The following WASF1 variants were observed in gnomAD, a reference collection of about 807,000 sequenced individuals.
WASF1 encodes the protein actin-binding protein WASF1.
WASF1 carries 7 observed loss-of-function variants against 50.5 expected under a neutral mutation model. The observed-to-expected ratio is 0.14, with a 90% CI of 0.08 to 0.26. WASF1 has a LOEUF of 0.26. WASF1 is among the 10% of genes least tolerant of loss of function. WASF1 has a pLI of 1.00. For missense variants in WASF1, 470 were observed against 694.7 expected (o/e 0.68, Z 3.64); for synonymous variants, 205 against 244.0 (o/e 0.84, Z 1.49).
intron 4 of WASF1, among the ~76,000 whole-genome samples, chr6:110,119,602 AC>A (rs1773990675): frequency 6.6e-6 from 1 of 152,250 alleles, no homozygotes; most frequent in Admixed American, 6.5e-5. Context: ...GCCAAAGTCT[AC>A]CAGAGGTAAA....
At chr6:110,163,102 T>A (rs891032563) in intron 2 of WASF1, among the ~76,000 whole-genome samples, 7 of 151,500 alleles carry the variant, frequency 4.6e-5, no homozygotes, top group African/African-American at 1.7e-4. Context: ...ATACGTCATA[T>A]CTGAAATTAA....
At chr6:110,101,022 TTTTC>T (rs1280365104) in intron 10 of WASF1, among the ~76,000 whole-genome samples, 1 of 152,216 alleles carries the variant, frequency 6.6e-6, no homozygotes, top group Non-Finnish European at 1.5e-5. Flanking sequence ...GTTGAATATA[TTTTC>T]TGTGGCTTCA....
At chr6:110,103,655 G>T in intron 8 of WASF1, 98 bp from the exon 9 acceptor site, 1 of 1,089,586 alleles carries the variant, frequency 9.2e-7, no homozygotes. Flanking sequence ...TCCTTTCAAT[G>T]CCAATATTTT....
chr6:110,114,909 T>G (rs1034536205), intron 4 of WASF1, among the ~76,000 whole-genome samples: 1 of 151,344 alleles, frequency 6.6e-6, no homozygotes, highest in Non-Finnish European at 1.5e-5. Flanking sequence ...CTGAACAACA[T>G]GGTGAAACCC....
chr6:110,116,178 G>T lies in WASF1; in HGVS notation c.134-2718C>A, dbSNP rs1583938997. On this transcript the variant is annotated intron_variant, in intron 4 of 10. Coordinates refer to ENST00000392589, the MANE Select transcript of WASF1 (RefSeq NM_003931.3). ...TACCTGGTTCATCTCATTAGGACTGGTTGGACAGTGGGTGCAGCCCACAGA... is the reference window on the plus strand; with the variant it reads ...TACCTGGTTCATCTCATTAGGACTGTTTGGACAGTGGGTGCAGCCCACAGA... 1.3e-5 allele frequency among the ~76,000 whole-genome samples: 2 copies of T among 152,332 alleles called. 1 individual carries two copies. Among genetic ancestry groups the T allele is most frequent in the East Asian group, 3.9e-4 (2 of 5,176 alleles).
At chr6:110,155,536 C>CTTTTTTTTTT (rs66645132) in intron 3 of WASF1, among the ~76,000 whole-genome samples, 32 of 45,980 alleles carry the variant, frequency 7.0e-4, no homozygotes, top group Admixed American at 1.1e-3. Context: ...AAAGTGCCTT[C>CTTTTTTTTTT]TTTTTTTTTT....
rs1242065081 is a variant in WASF1, at chr6:110,179,526, G to A, written c.-359C>T. The A allele has an allele frequency of 2.0e-5, 3 of 151,988 alleles. No homozygotes were observed. Among genetic ancestry groups the A allele is most frequent in the African/African-American group, 7.2e-5 (3 of 41,386 alleles). The allele number at this position is 151,988 out of a possible 1,614,324, so 9.4% of individuals were successfully genotyped here. On this transcript the variant is annotated 5_prime_UTR_variant, in exon 1 of 11. Coordinates refer to ENST00000392589, the MANE Select transcript of WASF1 (RefSeq NM_003931.3). ...CCCTCGGCTCGCGGGACTCCGCCTA[G>A]AGCCCCCAGGAGGGTCGGGCTCTGG... is the stretch of plus-strand genomic sequence containing the variant.
intron 2 of WASF1, among the ~76,000 whole-genome samples, chr6:110,171,495 T>C (rs958199174): frequency 6.6e-6 from 1 of 152,188 alleles, no homozygotes; most frequent in Admixed American, 6.5e-5. Flanking sequence ...AACGGGGTTG[T>C]ATCCCAATAA....
intron 4 of WASF1, among the ~76,000 whole-genome samples, chr6:110,120,812 C>T (rs925608806): frequency 2.4e-4 from 37 of 152,312 alleles, no homozygotes; most frequent in African/African-American, 8.7e-4. Context: ...GTAACCAAAA[C>T]AGCATGGTAC....
intron 3 of WASF1, among the ~76,000 whole-genome samples, chr6:110,149,047 C>T (rs1374824591): frequency 6.6e-6 from 1 of 152,142 alleles, no homozygotes; most frequent in Non-Finnish European, 1.5e-5. Flanking sequence ...TAGGAAAAGA[C>T]TTATGACTAA....
intron 3 of WASF1, among the ~76,000 whole-genome samples, chr6:110,139,898 A>G (rs541840344): frequency 4.7e-4 from 71 of 152,368 alleles, no homozygotes; most frequent in African/African-American, 1.6e-3. Flanking sequence ...TACTATAACA[A>G]AAGTTGCATG....
chr6:110,137,118 T>C (rs558352603), intron 3 of WASF1, among the ~76,000 whole-genome samples: 28 of 152,344 alleles, frequency 1.8e-4, no homozygotes, highest in African/African-American at 6.3e-4. Context: ...TAACTCAAAA[T>C]TTCTTAATTC....
chr6:110,141,074 C>A (rs535006926), intron 3 of WASF1, among the ~76,000 whole-genome samples: 1 of 152,076 alleles, frequency 6.6e-6, no homozygotes, highest in South Asian at 2.1e-4. Flanking sequence ...ATTTTTGGGC[C>A]ATGGTTGACC....
intron 4 of WASF1, among the ~76,000 whole-genome samples, chr6:110,118,269 TCTCACATG>T (rs1214720317): frequency 5.9e-5 from 8 of 134,802 alleles, no homozygotes; most frequent in African/African-American, 2.2e-4. Flanking sequence ...AGGAAACCCA[TCTCACATG>T]CTCACATGCA....
intron 7 of WASF1, among the ~76,000 whole-genome samples, chr6:110,106,452 G>T (rs1305502680): frequency 6.6e-6 from 1 of 152,206 alleles, no homozygotes; most frequent in Non-Finnish European, 1.5e-5. Flanking sequence ...AGATGATAAA[G>T]ACAGAATTTG....
intron 4 of WASF1, among the ~76,000 whole-genome samples, chr6:110,124,245 T>TCCTTCCTCTCTCTCC (rs1562170338): frequency 5.1e-5 from 2 of 39,464 alleles, no homozygotes; most frequent in South Asian, 1.2e-3. Context: ...CCTCTCTCTC[T>TCCTTCCTCTCTCTCC]CTCTCTCTCT....
intron 2 of WASF1, among the ~76,000 whole-genome samples, chr6:110,167,862 A>G (rs915029060): frequency 6.6e-6 from 1 of 152,048 alleles, no homozygotes. Flanking sequence ...AAAATTCAAA[A>G]TAATAAAGCT....
chr6:110,149,485 A>T (rs1237085165), intron 3 of WASF1, among the ~76,000 whole-genome samples: 6 of 87,362 alleles, frequency 6.9e-5, no homozygotes, highest in Admixed American at 1.0e-4. Context: ...ACTCTGTCTT[A>T]AAAAAAAAAA....
chr6:110,165,138 C>T (rs1322978455), intron 2 of WASF1, among the ~76,000 whole-genome samples: 1 of 151,476 alleles, frequency 6.6e-6, no homozygotes, highest in Non-Finnish European at 1.5e-5. Context: ...TTTCTCGTAT[C>T]AAAACCCATC....
Sources: gnomAD v4.1 joint callset for allele counts (sites outside exome capture counted in the v4.1 genomes callset) on GRCh38, gnomAD v4.1.1 for gene constraint, MANE v1.5 for transcripts, NCBI Gene and HGNC (gene_info 2026-07-23, HGNC 2026-07-21) for gene names.